The following PCDH11Y variants were observed in gnomAD, a reference collection of about 807,000 sequenced individuals.
PCDH11Y encodes the protein protocadherin 11 Y-linked, also known as protocadherin-11 Y-linked.
For synonymous variants in PCDH11Y, 9 were observed against 83.6 expected, an observed-to-expected ratio of 0.11 and a Z score of 4.87; for missense variants, 12 against 224.8, an observed-to-expected ratio of 0.05 and a Z score of 6.05.
chrY:5,210,100 A>C, intron 2 of PCDH11Y, among the ~76,000 whole-genome samples: 1 of 34,046 alleles, frequency 2.9e-5, no homozygotes, highest in Non-Finnish European at 7.3e-5. Flanking sequence ...ATAAATAAAA[A>C]GTTTAATTTA....
At chrY:5,091,822 CA>C (rs2052741752) in intron 1 of PCDH11Y, among the ~76,000 whole-genome samples, 1 of 31,634 alleles carries the variant, frequency 3.2e-5, no homozygotes, top group Non-Finnish European at 7.8e-5. Flanking sequence ...GAACTTAGTA[CA>C]AAAATTCTAT....
intron 3 of PCDH11Y, among the ~76,000 whole-genome samples, chrY:5,508,929 A>G: frequency 3.0e-5 from 1 of 32,864 alleles, no homozygotes; most frequent in African/African-American, 1.2e-4. Context: ...TTACATGTGC[A>G]GGTGTTGCCT....
intron 3 of PCDH11Y, among the ~76,000 whole-genome samples, chrY:5,534,562 T>C: frequency 3.0e-5 from 1 of 33,441 alleles, no homozygotes; most frequent in African/African-American, 1.2e-4. Flanking sequence ...TAGTATTCCA[T>C]TGTGTATAGG....
intron 3 of PCDH11Y, among the ~76,000 whole-genome samples, chrY:5,570,294 C>T: frequency 3.2e-5 from 1 of 31,069 alleles, no homozygotes. Flanking sequence ...TTGTTCTTTG[C>T]TGACATAAAA....
downstream of PCDH11Y, among the ~76,000 whole-genome samples, chrY:5,108,746 C>CA (rs1449970304): frequency 9.7e-3 from 23 of 2,383 alleles, no homozygotes; most frequent in Non-Finnish European, 0.011. Flanking sequence ...GACTCCATCT[C>CA]AAAAAAAAAA....
intron 2 of PCDH11Y, among the ~76,000 whole-genome samples, chrY:5,384,225 C>G: frequency 3.1e-5 from 1 of 32,245 alleles, no homozygotes; most frequent in East Asian, 8.0e-4. Context: ...TAGAATCTCT[C>G]AGTCTGCTGT....
At chrY:5,704,665 A>G (rs2053581573) in intron 4 of PCDH11Y, among the ~76,000 whole-genome samples, 1 of 31,148 alleles carries the variant, frequency 3.2e-5, no homozygotes, top group Non-Finnish European at 7.7e-5. Context: ...TCCTGACCTC[A>G]TGATCCACCC....
At chrY:5,036,885 A>G in intron 3 of PCDH11Y, among the ~76,000 whole-genome samples, 2 of 33,305 alleles carry the variant, frequency 6.0e-5, no homozygotes, top group South Asian at 6.8e-4. Flanking sequence ...AATGATCTCT[A>G]TGGAGTCTTT....
intron 2 of PCDH11Y, among the ~76,000 whole-genome samples, chrY:5,475,373 T>A: frequency 6.0e-5 from 2 of 33,178 alleles, no homozygotes; most frequent in Admixed American, 2.7e-4. Flanking sequence ...TGTTTTTTTT[T>A]AAATCATAAA....
At chrY:5,647,655 C>T in intron 4 of PCDH11Y, among the ~76,000 whole-genome samples, 2 of 33,302 alleles carry the variant, frequency 6.0e-5, no homozygotes, top group Non-Finnish European at 1.5e-4. Context: ...TATAGGCATG[C>T]ACCACCACAA....
intron 2 of PCDH11Y, among the ~76,000 whole-genome samples, chrY:5,306,287 AACAC>A (rs535976345): frequency 3.2e-4 from 9 of 28,214 alleles, no homozygotes; most frequent in Admixed American, 6.5e-4. Flanking sequence ...CTGAGCCAAT[AACAC>A]ACACACACAC....
chrY:5,664,609 T>C, intron 4 of PCDH11Y, among the ~76,000 whole-genome samples: 1 of 28,919 alleles, frequency 3.5e-5, no homozygotes, highest in Non-Finnish European at 8.4e-5. Flanking sequence ...TTTTTTCTTT[T>C]TTTTTTTTTT....
chrY:5,019,520 C>T (rs2052565842), intron 1 of PCDH11Y, among the ~76,000 whole-genome samples: 1 of 20,363 alleles, frequency 4.9e-5, no homozygotes, highest in African/African-American at 2.1e-4. Context: ...TGCAGTGAGC[C>T]GAGATTGTGC....
At chrY:5,143,770 A>T in intron 2 of PCDH11Y, among the ~76,000 whole-genome samples, 1 of 33,172 alleles carries the variant, frequency 3.0e-5, no homozygotes, top group South Asian at 6.6e-4. Flanking sequence ...AATGAGCCCT[A>T]TAGCACTGTG....
chrY:5,255,481 A>G (rs2053009534), intron 2 of PCDH11Y, among the ~76,000 whole-genome samples: 1 of 33,491 alleles, frequency 3.0e-5, no homozygotes, highest in Non-Finnish European at 7.4e-5. Flanking sequence ...AGTCTTGGCT[A>G]TGGTGAACAG....
At chrY:5,005,953 C>G (rs2124617407) in intron 1 of PCDH11Y, among the ~76,000 whole-genome samples, 1 of 32,165 alleles carries the variant, frequency 3.1e-5, no homozygotes, top group South Asian at 7.1e-4. Flanking sequence ...CTTTCTGTGT[C>G]TTTTGCTGTT....
intron 4 of PCDH11Y, among the ~76,000 whole-genome samples, chrY:5,680,970 G>A (rs2053557909): frequency 3.1e-5 from 1 of 32,367 alleles, no homozygotes; most frequent in African/African-American, 1.2e-4. Flanking sequence ...CCTATCAAAA[G>A]ATATCAGCAT....
At chrY:5,545,165 A>G in intron 3 of PCDH11Y, among the ~76,000 whole-genome samples, 1 of 31,883 alleles carries the variant, frequency 3.1e-5, no homozygotes, top group Admixed American at 2.9e-4. Flanking sequence ...AAATATGAAT[A>G]AAAGGATTCC....
chrY:5,333,804 A>T (rs2053133579), intron 2 of PCDH11Y, among the ~76,000 whole-genome samples: 1 of 32,215 alleles, frequency 3.1e-5, no homozygotes, highest in Non-Finnish European at 7.6e-5. Context: ...TAGGAGAATT[A>T]CTTGTTGAGT....
Sources: allele counts gnomAD v4.1 joint callset (sites outside exome capture counted in the v4.1 genomes callset), GRCh38; gene constraint gnomAD v4.1.1; transcripts MANE v1.5; gene names NCBI Gene and HGNC (gene_info 2026-07-23, HGNC 2026-07-21).